The following FAM110B variants were observed in gnomAD, a reference collection of about 807,000 sequenced individuals.
The protein encoded by FAM110B is protein FAM110B.
A neutral mutation model predicts 20.4 loss-of-function variants in FAM110B; 6 were observed. The observed-to-expected ratio is 0.29, with a 90% confidence interval of 0.16 to 0.58. The LOEUF (loss-of-function observed/expected upper bound fraction) is 0.58, where lower values mean the gene tolerates loss of function less well. FAM110B is among the 20% of genes least tolerant of loss of function. The probability of loss-of-function intolerance (pLI) is 0.90; values close to 1 mark genes in which losing one functional copy is unlikely to be tolerated. For synonymous variants in FAM110B, 226 were observed against 214.1 expected (o/e 1.06, Z -0.49); for missense variants, 434 against 498.2 (o/e 0.87, Z 1.23).
In FAM110B at chr8:58,082,851, T is replaced by G. The variant is rs568562478; in HGVS notation, c.-325+7228T>G. On this transcript the variant is annotated intron_variant, in intron 3 of 3. Coordinates refer to ENST00000519262, the MANE Select transcript of FAM110B (RefSeq NM_001377989.1). Reference sequence around the variant, plus strand: ...TCTCCATTTTTGTTTTTTTTTGTTTTTTTTTTTTTTAAATGAGCATGGTTG... The same window carrying G: ...TCTCCATTTTTGTTTTTTTTTGTTTGTTTTTTTTTTAAATGAGCATGGTTG... Among the ~76,000 whole-genome samples the G allele has an allele frequency of 7.3e-5, 11 of 150,914 alleles. No individual in the cohort carries two copies. The South Asian group carries it at 1.3e-3, about 17-fold the overall frequency.
intron 3 of FAM110B, among the ~76,000 whole-genome samples, chr8:58,101,955 C>T (rs1806789418): frequency 6.6e-6 from 1 of 152,148 alleles, no homozygotes; most frequent in Non-Finnish European, 1.5e-5. Flanking sequence ...GGAGCACTTG[C>T]CAACTTGTAT....
At chr8:58,012,381 C>T (rs888433149) in intron 1 of FAM110B, among the ~76,000 whole-genome samples, 53 of 151,076 alleles carry the variant, frequency 3.5e-4, no homozygotes, top group African/African-American at 1.2e-3. Flanking sequence ...AACTCTACAC[C>T]GAGAAGATGG....
At chr8:58,062,222 A>G (rs1002878043) in intron 2 of FAM110B, among the ~76,000 whole-genome samples, 2 of 152,222 alleles carry the variant, frequency 1.3e-5, no homozygotes, top group African/African-American at 2.4e-5. Flanking sequence ...TTGTATGTAA[A>G]TTAGAAACAG....
chr8:58,134,082 A>T (rs573939928), intron 3 of FAM110B, among the ~76,000 whole-genome samples: 2 of 152,282 alleles, frequency 1.3e-5, no homozygotes, highest in African/African-American at 4.8e-5. Context: ...TATTTTGAAG[A>T]TTATTTATCC....
chr8:58,029,110 G>A (rs1402992516), intron 1 of FAM110B, among the ~76,000 whole-genome samples: 1 of 152,208 alleles, frequency 6.6e-6, no homozygotes, highest in African/African-American at 2.4e-5. Context: ...GGTGACCCAA[G>A]TGCTCTGCAG....
At chr8:58,025,821 A>C (rs1446556826) in intron 1 of FAM110B, among the ~76,000 whole-genome samples, 1 of 152,182 alleles carries the variant, frequency 6.6e-6, no homozygotes, top group Non-Finnish European at 1.5e-5. Context: ...TGCTACTCAG[A>C]ATGATGTCTC....
chr8:58,098,945 G>C (rs1380684024), intron 3 of FAM110B: 2 of 152,422 alleles, frequency 1.3e-5, no homozygotes, highest in Non-Finnish European at 2.9e-5. Flanking sequence ...ATCTTGCTGG[G>C]AGCTGCAGAC....
chr8:58,103,002 GAAAAAAA>G (rs60027491), intron 3 of FAM110B, among the ~76,000 whole-genome samples: 143 of 99,288 alleles, frequency 1.4e-3, no homozygotes, highest in African/African-American at 4.1e-3. Flanking sequence ...TGCTTGTTAT[GAAAAAAA>G]AAAAAAAAAA....
chr8:58,006,283 C>T (rs1804399172), intron 1 of FAM110B, among the ~76,000 whole-genome samples: 1 of 152,196 alleles, frequency 6.6e-6, no homozygotes. Context: ...CACTTTTAGA[C>T]TCACTTGTTT....
chr8:58,020,792 G>A (rs1208388465), intron 1 of FAM110B, among the ~76,000 whole-genome samples: 1 of 152,138 alleles, frequency 6.6e-6, no homozygotes, highest in Non-Finnish European at 1.5e-5. Context: ...TTTTGCATTT[G>A]TTCTTCTAGC....
chr8:58,140,763 A>C (rs1052909110), intron 3 of FAM110B, among the ~76,000 whole-genome samples: 3 of 152,160 alleles, frequency 2.0e-5, no homozygotes, highest in Non-Finnish European at 4.4e-5. Context: ...CATGAACTCA[A>C]AAGCTGCCCT....
chr8:58,084,927 T>C (rs1257046797), intron 3 of FAM110B, among the ~76,000 whole-genome samples: 1 of 152,090 alleles, frequency 6.6e-6, no homozygotes, highest in Non-Finnish European at 1.5e-5. Flanking sequence ...AAGGAGTAGG[T>C]TGCACCCTGC....
intron 2 of FAM110B, among the ~76,000 whole-genome samples, chr8:58,052,854 C>G (rs531594455): frequency 7.5e-6 from 1 of 133,852 alleles, no homozygotes; most frequent in South Asian, 2.6e-4. Context: ...GGCGCGATCT[C>G]GGCTCACTGC....
At chr8:58,002,826 G>A (rs1563493601) in intron 1 of FAM110B, among the ~76,000 whole-genome samples, 1 of 152,222 alleles carries the variant, frequency 6.6e-6, no homozygotes, top group Admixed American at 6.5e-5. Flanking sequence ...TCTTTCTGCT[G>A]CTGGAGGTTC....
chr8:58,046,290 C>G (rs1191251679), intron 2 of FAM110B, among the ~76,000 whole-genome samples: 1 of 152,128 alleles, frequency 6.6e-6, no homozygotes, highest in Non-Finnish European at 1.5e-5. Context: ...ATATTAATAA[C>G]ACAACTGTGA....
At chr8:58,141,608 C>T (rs1208758713) in intron 3 of FAM110B, among the ~76,000 whole-genome samples, 1 of 152,232 alleles carries the variant, frequency 6.6e-6, no homozygotes, top group Non-Finnish European at 1.5e-5. Context: ...TTCTTTCCTA[C>T]TTAAAATTTA....
intron 3 of FAM110B, among the ~76,000 whole-genome samples, chr8:58,123,083 G>A (rs929295076): frequency 3.3e-5 from 5 of 152,140 alleles, no homozygotes; most frequent in African/African-American, 9.7e-5. Context: ...GGGAGCTAAA[G>A]GTCCCACCCT....
intron 3 of FAM110B, among the ~76,000 whole-genome samples, chr8:58,115,789 T>C (rs1373873038): frequency 2.6e-5 from 4 of 152,180 alleles, no homozygotes; most frequent in Non-Finnish European, 5.9e-5. Flanking sequence ...TATTCTGGTG[T>C]TGAGAAATGT....
At chr8:58,041,697 T>C (rs1256421720) in intron 2 of FAM110B, among the ~76,000 whole-genome samples, 1 of 152,234 alleles carries the variant, frequency 6.6e-6, no homozygotes, top group Non-Finnish European at 1.5e-5. Context: ...CTTGTGACAT[T>C]GATGCCTTGC....
Sources: allele counts gnomAD v4.1 joint callset (sites outside exome capture counted in the v4.1 genomes callset), GRCh38; gene constraint gnomAD v4.1.1; transcripts MANE v1.5; gene names NCBI Gene and HGNC (gene_info 2026-07-23, HGNC 2026-07-21).